SGMS1: variants seen among roughly 807,000 people sequenced by gnomAD.
The protein encoded by SGMS1 is phosphatidylcholine:ceramide cholinephosphotransferase 1.
A neutral mutation model predicts 46.2 loss-of-function variants in SGMS1; 13 were observed. That is an observed-to-expected ratio of 0.28 (90% CI 0.18 to 0.45). The LOEUF (loss-of-function observed/expected upper bound fraction) is 0.45, where lower values mean the gene tolerates loss of function less well. Ranked by LOEUF, SGMS1 falls within the 20% of genes least tolerant of loss-of-function variation. The pLI is 1.00. For missense variants in SGMS1, 324 were observed against 519.9 expected (o/e 0.62, Z 3.66); for synonymous variants, 203 against 187.8 (o/e 1.08, Z -0.66).
intron 8 of SGMS1, among the ~76,000 whole-genome samples, chr10:50,322,459 G>A (rs16925365): frequency 0.023 from 3,522 of 152,264 alleles, 126 homozygotes; most frequent in African/African-American, 0.077. Context: ...CCTTACCAAC[G>A]GGAAGCTTAC....
chr10:50,421,976 C>T (rs911390582), intron 6 of SGMS1, among the ~76,000 whole-genome samples: 4 of 152,154 alleles, frequency 2.6e-5, no homozygotes, highest in African/African-American at 7.2e-5. Context: ...GCCTGACAAC[C>T]TTCTTGCATT....
intron 2 of SGMS1, among the ~76,000 whole-genome samples, chr10:50,528,236 A>G (rs908253409): frequency 6.6e-6 from 1 of 152,228 alleles, no homozygotes; most frequent in Non-Finnish European, 1.5e-5. Context: ...CTGTGTTTCA[A>G]AATGCTAGAG....
At chr10:50,411,853 C>G (rs1376360145) in intron 6 of SGMS1, among the ~76,000 whole-genome samples, 1 of 152,168 alleles carries the variant, frequency 6.6e-6, no homozygotes, top group East Asian at 1.9e-4. Flanking sequence ...CGGCTTGAGG[C>G]CATCAGAGTC....
chr10:50,518,631 C>T (rs1426324129), intron 3 of SGMS1, among the ~76,000 whole-genome samples: 1 of 152,102 alleles, frequency 6.6e-6, no homozygotes, highest in Non-Finnish European at 1.5e-5. Context: ...GTTGGCCAGG[C>T]TGGTCTAGAA....
intron 1 of SGMS1, among the ~76,000 whole-genome samples, chr10:50,620,237 T>C (rs995090000): frequency 2.0e-5 from 3 of 152,244 alleles, no homozygotes; most frequent in Admixed American, 6.5e-5. Flanking sequence ...AAGGTCCTCT[T>C]GTGACTGGGT....
At chr10:50,515,525 G>GA (rs1837793638) in intron 3 of SGMS1, among the ~76,000 whole-genome samples, 1 of 152,218 alleles carries the variant, frequency 6.6e-6, no homozygotes. Flanking sequence ...CCCGGCCCAG[G>GA]ACAACAGAAC....
rs759281143 is a variant in SGMS1, at chr10:50,327,208, C to T, written c.738G>A (p.Pro246=). The change falls in exon 8 of 11, where the codon CCG becomes CCA. Residue 246 remains proline, a synonymous_variant. Transcript: ENST00000361781. ...ATTACAGCGAGGAATAGTTTACCTTCGGAGAACAGTTGAAATGCATACCAG... is the reference window on the plus strand; with the variant it reads ...ATTACAGCGAGGAATAGTTTACCTTTGGAGAACAGTTGAAATGCATACCAG... The part of the protein sequence containing the change: ...PVPGMHFNCS[P]KLFGDWEAQL... The T allele has an allele frequency of 4.0e-5, 62 of 1,543,436 alleles. No individual in the cohort carries two copies. Among genetic ancestry groups the T allele is most frequent in the Admixed American group, 3.7e-4 (22 of 59,054 alleles).
At chr10:50,318,299 A>T (rs1486940260) in intron 8 of SGMS1, among the ~76,000 whole-genome samples, 1 of 152,214 alleles carries the variant, frequency 6.6e-6, no homozygotes, top group Admixed American at 6.5e-5. Context: ...TTGGGCTACC[A>T]TGCAGGTGGC....
intron 2 of SGMS1, among the ~76,000 whole-genome samples, chr10:50,540,409 A>G (rs1045153531): frequency 2.0e-5 from 3 of 152,190 alleles, no homozygotes; most frequent in Admixed American, 1.3e-4. Context: ...CAGCACTTAA[A>G]ATACTCACAA....
rs184810308 is a variant in SGMS1 at position 50,561,324 on chromosome 10, C to T, written c.-589+28829G>A. On this transcript the variant is annotated intron_variant, in intron 2 of 10. Coordinates refer to ENST00000361781, the MANE Select transcript of SGMS1 (RefSeq NM_147156.4). ...TATCACCACCCTCATTTGACAACTG[C>T]GGAAACTGAGGCACTGAGTAATACA... Among the ~76,000 whole-genome samples the T allele has an allele frequency of 1.8e-4, 27 of 152,252 alleles. No individual in the cohort carries two copies. The South Asian group carries it at 3.7e-3, about 21-fold the overall frequency.
At chr10:50,339,092 G>A (rs1847767513) in intron 7 of SGMS1, among the ~76,000 whole-genome samples, 1 of 152,206 alleles carries the variant, frequency 6.6e-6, no homozygotes, top group African/African-American at 2.4e-5. Flanking sequence ...CCTAGTCTCT[G>A]TAATGCAGCC....
intron 1 of SGMS1, among the ~76,000 whole-genome samples, chr10:50,602,813 A>G (rs1231149315): frequency 1.3e-5 from 2 of 152,248 alleles, no homozygotes; most frequent in Admixed American, 6.5e-5. Flanking sequence ...AGAAGAAAAT[A>G]AACATAAAGC....
Position 50,408,855 on chromosome 10 carries a change from A to G in SGMS1, c.-232+24621T>C, listed in dbSNP as rs968675325. Among the ~76,000 whole-genome samples, 30 of 152,296 alleles carry G rather than the reference A, an allele frequency of 2.0e-4. No individual in the cohort carries two copies. In the East Asian group the frequency reaches 5.0e-3, roughly 25 times the overall value. On this transcript the variant is annotated intron_variant, in intron 6 of 10. Coordinates refer to ENST00000361781, the MANE Select transcript of SGMS1 (RefSeq NM_147156.4). ...GTACCATCGCACTCCAGCATGGCTG[A>G]CAGAGCGAGACTCTATCTCAAAACA...
intron 6 of SGMS1, among the ~76,000 whole-genome samples, chr10:50,388,829 C>T (rs938430140): frequency 1.3e-5 from 2 of 152,112 alleles, no homozygotes; most frequent in Admixed American, 6.5e-5. Flanking sequence ...AAAAGGCATC[C>T]ATGATCAGTT....
chr10:50,414,589 C>T (rs1849143772), intron 6 of SGMS1, among the ~76,000 whole-genome samples: 1 of 152,194 alleles, frequency 6.6e-6, no homozygotes, highest in Non-Finnish European at 1.5e-5. Context: ...TTTAATCCTT[C>T]AACATCTTCA....
intron 6 of SGMS1, among the ~76,000 whole-genome samples, chr10:50,355,399 C>A (rs1474138296): frequency 6.6e-6 from 1 of 152,226 alleles, no homozygotes; most frequent in East Asian, 1.9e-4. Context: ...CTCAGCCTGC[C>A]CGGTGCCTGG....
intron 6 of SGMS1, among the ~76,000 whole-genome samples, chr10:50,408,492 G>A (rs889724600): frequency 1.3e-5 from 2 of 151,232 alleles, no homozygotes; most frequent in East Asian, 1.9e-4. Flanking sequence ...GAGGCTCCTG[G>A]CTAACACGGT....
intron 6 of SGMS1, among the ~76,000 whole-genome samples, chr10:50,395,449 C>T (rs928356062): frequency 6.6e-6 from 1 of 152,166 alleles, no homozygotes; most frequent in Non-Finnish European, 1.5e-5. Context: ...TATTAGCCAA[C>T]CTAAGCTTGG....
intron 1 of SGMS1, among the ~76,000 whole-genome samples, chr10:50,603,439 C>T (rs1237667877): frequency 6.6e-6 from 1 of 152,192 alleles, no homozygotes. Context: ...TCTGATACTC[C>T]TTCTCTTACT....
Sources: allele counts gnomAD v4.1 joint callset (sites outside exome capture counted in the v4.1 genomes callset), GRCh38; gene constraint gnomAD v4.1.1; transcripts MANE v1.5; gene names NCBI Gene and HGNC (gene_info 2026-07-23, HGNC 2026-07-21).